PKD2L2: variants seen among roughly 807,000 people sequenced by gnomAD.
The protein encoded by PKD2L2 is polycystin 2 like 2, transient receptor potential cation channel, also known as polycystin-2-like protein 2.
A neutral mutation model predicts 83.9 loss-of-function variants in PKD2L2; 67 were observed. The ratio of observed to expected loss-of-function variants is 0.80; its 90% CI spans 0.66 to 0.98. PKD2L2 has a LOEUF of 0.98. Ranked by LOEUF, PKD2L2 falls within the 50% of genes least tolerant of loss-of-function variation. The pLI is 0.00. For synonymous variants in PKD2L2, 223 were observed against 237.8 expected, an observed-to-expected ratio of 0.94 and a Z score of 0.57; for missense variants, 632 against 717.2, an observed-to-expected ratio of 0.88 and a Z score of 1.36.
intron 3 of PKD2L2, among the ~76,000 whole-genome samples, 196 bp downstream of exon 3, chr5:137,892,809 T>G (rs1756104093): frequency 6.6e-6 from 1 of 152,244 alleles, no homozygotes. Context: ...TCTTGTAATT[T>G]TTTAAAAAAT....
chr5:137,916,435 A>G (rs1758350062), intron 8 of PKD2L2, among the ~76,000 whole-genome samples: 1 of 143,430 alleles, frequency 7.0e-6, no homozygotes, highest in Non-Finnish European at 1.5e-5. Context: ...TTTGAAGGAG[A>G]GTTTTGCCAG....
intron 5 of PKD2L2, among the ~76,000 whole-genome samples, chr5:137,901,024 T>C (rs1279154388): frequency 6.6e-6 from 1 of 151,766 alleles, no homozygotes; most frequent in Non-Finnish European, 1.5e-5. Flanking sequence ...TAATCCCAGC[T>C]ACTCAGAAGG....
intron 5 of PKD2L2, among the ~76,000 whole-genome samples, chr5:137,905,222 T>C (rs1757271181): frequency 6.6e-6 from 1 of 152,224 alleles, no homozygotes; most frequent in Admixed American, 6.5e-5. Flanking sequence ...TTCAGCAGAC[T>C]TTGAAACTGT....
intron 12 of PKD2L2, among the ~76,000 whole-genome samples, chr5:137,934,574 C>T (rs995790792): frequency 2.6e-5 from 4 of 152,026 alleles, no homozygotes; most frequent in African/African-American, 9.7e-5. Context: ...GTTGGAAGGC[C>T]GACGCAGGCG....
At chr5:137,905,942 G>GA (rs369804831) in intron 5 of PKD2L2, among the ~76,000 whole-genome samples, 33 of 150,650 alleles carry the variant, frequency 2.2e-4, no homozygotes, top group African/African-American at 6.3e-4. Flanking sequence ...ATGAATGTCT[G>GA]AAAAAAAAAT....
Position 137,935,821 on chromosome 5 carries a change from A to G in PKD2L2, c.1696A>G (p.Lys566Glu). 2.5e-6 allele frequency: 4 copies of G among 1,607,264 alleles called. No individual in the cohort carries two copies. Among genetic ancestry groups the G allele is most frequent in the Non-Finnish European group, 3.4e-6 (4 of 1,173,856 alleles). ...ENEIQNAEQM[K>E]KWKERLEKKY... The stretch of plus-strand genomic sequence containing the variant: ...GGAGATTCAAAACGCAGAGCAGATG[A>G]AAAAATGGAAAGAGAGGCTTGAGAA... Residue 566 changes from lysine (K) to glutamate (E), a missense_variant, in exon 13 of 15, where the codon AAA (lysine) becomes GAA (glutamate). Around this residue, in one of 3 missense-constraint regions of PKD2L2, gnomAD observed 399 missense variants for 416.9 expected, o/e 0.96. Coordinates refer to ENST00000508883, the MANE Select transcript of PKD2L2 (RefSeq NM_001300921.2).
chr5:137,899,423 C>G, intron 4 of PKD2L2, 93 bp from the exon 5 acceptor site: 2 of 918,582 alleles, frequency 2.2e-6, no homozygotes, highest in Non-Finnish European at 3.4e-6. Flanking sequence ...GGCCAAAAAA[C>G]TACTACTTTT....
chr5:137,890,238 G>A lies in PKD2L2; in HGVS notation c.32-243G>A, dbSNP rs368484444. 8.7e-5 allele frequency: 27 copies of A among 309,494 alleles called. No homozygotes were observed. In the South Asian group the frequency reaches 1.8e-3, roughly 20 times the overall value. 19.2% of individuals were successfully genotyped at this position (309,494 alleles called of 1,614,324 possible). A position where few individuals can be genotyped will look rare whatever the true frequency, so the allele number is the denominator to read the frequency against. ...GCGGAGGCTGCAGTGAGACGAGATC[G>A]CGTCACTGAACTCCAGCCTGGCGAC... On this transcript the variant is annotated intron_variant, in intron 1 of 14. Transcript: ENST00000508883.
intron 5 of PKD2L2, among the ~76,000 whole-genome samples, chr5:137,905,228 AC>A (rs1453166499): frequency 6.6e-6 from 1 of 152,192 alleles, no homozygotes; most frequent in Non-Finnish European, 1.5e-5. Context: ...AGACTTTGAA[AC>A]TGTTAACTGG....
intron 12 of PKD2L2, among the ~76,000 whole-genome samples, chr5:137,929,409 C>T (rs1441059427): frequency 2.0e-5 from 3 of 150,336 alleles, no homozygotes; most frequent in African/African-American, 4.9e-5. Flanking sequence ...TGCGGTGAGC[C>T]GAGATCGGGT....
chr5:137,892,758 G>A (rs1210030885), intron 3 of PKD2L2, 145 bp downstream of exon 3: 5 of 704,530 alleles, frequency 7.1e-6, no homozygotes, highest in Non-Finnish European at 1.1e-5. Flanking sequence ...CAACCAACCA[G>A]TAAGTGTTTT....
Position 137,925,929 on chromosome 5 carries a change from T to C in PKD2L2, c.1671T>C (p.Asn557=). ...EQARREGFDE[N]EIQNAEQMKK... ...CCAGAAGAGAAGGCTTTGACGAAAA[T>C]GTAAGATTTTAATTTTTTTCATAAA... The change falls in exon 12 of 15, where the codon AAT becomes AAC. Residue 557 remains asparagine (N), a splice_region_variant and synonymous_variant. Transcript: ENST00000508883. 6.3e-7 allele frequency: 1 copy of C among 1,577,550 alleles called. No individual in the cohort carries two copies. The highest frequency in any genetic ancestry group is 8.7e-7 in the Non-Finnish European group (1 of 1,150,342).
chr5:137,890,483 G>A lies in PKD2L2; in HGVS notation c.34G>A (p.Ala12Thr). 3 of 1,557,164 alleles carry A rather than the reference G, an allele frequency of 1.9e-6. No individual in the cohort carries two copies. Among genetic ancestry groups the A allele is most frequent in the Admixed American group, 1.9e-5 (1 of 53,066 alleles). Residue 12 changes from alanine to threonine, a missense_variant and splice_region_variant, in exon 2 of 15, where the codon GCT becomes ACT. Transcript: ENST00000508883. Reference sequence around the variant, plus strand: ...AAATTTTGTCTTATATCTCACAGGGGCTTCGAAACATAAGTTGCATTACAG... The same window carrying A: ...AAATTTTGTCTTATATCTCACAGGGACTTCGAAACATAAGTTGCATTACAG... ...AEASRWHRGG[A>T]SKHKLHYRKE...
chr5:137,909,069 TTTTC>T, intron 8 of PKD2L2, 123 bp downstream of exon 8: 2 of 591,252 alleles, frequency 3.4e-6, no homozygotes. Flanking sequence ...TAGTTTGATA[TTTTC>T]TTTTTCTTTT....
intron 12 of PKD2L2, among the ~76,000 whole-genome samples, chr5:137,929,358 G>A (rs994230526): frequency 5.3e-5 from 8 of 151,822 alleles, no homozygotes; most frequent in African/African-American, 1.9e-4. Context: ...CTACTTGGGA[G>A]GCTGAGGCAG....
Position 137,912,805 on chromosome 5 carries a change from C to CTTTT in PKD2L2, c.1328+3872_1328+3875dup, listed in dbSNP as rs1200762684. Among the ~76,000 whole-genome samples, 17 of 124,410 alleles carry CTTTT rather than the reference C, an allele frequency of 1.4e-4. No individual in the cohort carries two copies. In the South Asian group the frequency reaches 1.9e-3, roughly 14 times the overall value. 81.6% of individuals were successfully genotyped at this position (124,410 alleles called of 152,430 possible). A position where few individuals can be genotyped will look rare whatever the true frequency, so the allele number is the denominator to read the frequency against. ...ATTGGATTATTTGTTTTCTTTCTTT[C>CTTTT]TTTTTTTTTTTTTTTTGAGATGGAG... On this transcript the variant is annotated intron_variant, in intron 8 of 14. Transcript: ENST00000508883.
At chr5:137,940,150 A>C (rs1761209072) in intron 14 of PKD2L2, 3 of 1,613,802 alleles carry the variant, frequency 1.9e-6, no homozygotes, top group Admixed American at 3.3e-5. Context: ...GAATTTAAGT[A>C]CCAGCCAAGT....
chr5:137,919,346 A>G (rs1258248649), intron 8 of PKD2L2, among the ~76,000 whole-genome samples: 1 of 152,186 alleles, frequency 6.6e-6, no homozygotes, highest in East Asian at 1.9e-4. Flanking sequence ...TGGAGCCTCC[A>G]GTTTCGATGA....
chr5:137,893,353 A>G (rs1237737342), intron 3 of PKD2L2, among the ~76,000 whole-genome samples: 1 of 152,200 alleles, frequency 6.6e-6, no homozygotes, highest in Non-Finnish European at 1.5e-5. Context: ...TTCCTTCAGC[A>G]GTGGAATAGA....
Sources: gnomAD v4.1 joint callset for allele counts (sites outside exome capture counted in the v4.1 genomes callset) on GRCh38, gnomAD v4.1.1 for gene constraint, gnomAD v4.1.1 regional missense constraint, MANE v1.5 for transcripts, NCBI Gene and HGNC (gene_info 2026-07-23, HGNC 2026-07-21) for gene names.